Variants in GSG1L observed in about 807,000 individuals in gnomAD.
GSG1L encodes GSG1 like.
Under a neutral mutation model 42.1 loss-of-function variants are expected in GSG1L, and 24 were observed. The observed-to-expected ratio is 0.57, with a 90% CI of 0.41 to 0.80. GSG1L has a LOEUF of 0.80. GSG1L is among the 30% of genes least tolerant of loss of function. GSG1L has a pLI of 0.00. For missense variants in GSG1L, 445 were observed against 472.2 expected, an observed-to-expected ratio of 0.94 and a Z score of 0.53; for synonymous variants, 215 against 203.5, an observed-to-expected ratio of 1.06 and a Z score of -0.48.
chr16:27,975,581 T>G (rs1431602511), intron 1 of GSG1L, among the ~76,000 whole-genome samples: 3 of 152,210 alleles, frequency 2.0e-5, no homozygotes, highest in Non-Finnish European at 4.4e-5. Context: ...TGTAGTCCTG[T>G]GTGCACTGTG....
intron 3 of GSG1L, chr16:27,850,662 A>C (rs1596555210): frequency 2.2e-6 from 1 of 448,086 alleles, no homozygotes; most frequent in South Asian, 1.6e-5. Context: ...TAAATGATAG[A>C]GAAAGCTTTC....
At chr16:27,796,757 C>T (rs528468746) in intron 6 of GSG1L, among the ~76,000 whole-genome samples, 222 of 152,222 alleles carry the variant, frequency 1.5e-3, no homozygotes, top group Admixed American at 2.5e-3. Flanking sequence ...TGAGCCATAA[C>T]ATTCTCTTTG....
chr16:28,048,033 A>G (rs1199804756), intron 1 of GSG1L, among the ~76,000 whole-genome samples: 1 of 151,324 alleles, frequency 6.6e-6, no homozygotes, highest in East Asian at 1.9e-4. Flanking sequence ...AGCCTGGGCA[A>G]CATAGTAACA....
intron 2 of GSG1L, among the ~76,000 whole-genome samples, chr16:27,960,899 C>T (rs868352748): frequency 1.3e-5 from 2 of 151,500 alleles, no homozygotes; most frequent in Non-Finnish European, 2.9e-5. Context: ...GCTGCCAAGC[C>T]CTAAAAGTAA....
At chr16:28,057,618 A>G (rs934043128) in intron 1 of GSG1L, among the ~76,000 whole-genome samples, 4 of 152,232 alleles carry the variant, frequency 2.6e-5, no homozygotes, top group African/African-American at 9.7e-5. Context: ...CAAAACAGAT[A>G]CACGGTTCAG....
chr16:27,910,481 T>C (rs1440283413), intron 2 of GSG1L, among the ~76,000 whole-genome samples: 1 of 152,208 alleles, frequency 6.6e-6, no homozygotes, highest in Non-Finnish European at 1.5e-5. Flanking sequence ...AACTGAGGCA[T>C]GAAAGGTCCA....
chr16:28,021,956 G>C (rs2085848936), intron 1 of GSG1L, among the ~76,000 whole-genome samples: 1 of 152,232 alleles, frequency 6.6e-6, no homozygotes, highest in African/African-American at 2.4e-5. Context: ...CAATCCAAAA[G>C]ACTCAGCCAG....
At chr16:28,034,123 C>G (rs1463582359) in intron 1 of GSG1L, among the ~76,000 whole-genome samples, 1 of 151,598 alleles carries the variant, frequency 6.6e-6, no homozygotes. Context: ...CCAACACATC[C>G]CATCCCATCC....
At chr16:27,946,695 T>A (rs57518683) in intron 2 of GSG1L, among the ~76,000 whole-genome samples, 4,405 of 102,612 alleles carry the variant, frequency 0.043, 272 homozygotes, top group Non-Finnish European at 0.046. Flanking sequence ...AAAGAAAGAA[T>A]TAAATGAAGC....
At chr16:28,027,457 T>A (rs205381) in intron 1 of GSG1L, among the ~76,000 whole-genome samples, 2 of 152,226 alleles carry the variant, frequency 1.3e-5, no homozygotes, top group African/African-American at 4.8e-5. Flanking sequence ...ATTTCCATAG[T>A]GAGCAGCACC....
intron 3 of GSG1L, among the ~76,000 whole-genome samples, chr16:27,876,521 AT>A (rs2083889240): frequency 1.3e-5 from 2 of 152,368 alleles, no homozygotes; most frequent in South Asian, 4.1e-4. Flanking sequence ...GGCAGCACAG[AT>A]GAGATCGTAA....
At chr16:27,889,466 A>G (rs987841823) in intron 2 of GSG1L, among the ~76,000 whole-genome samples, 2 of 152,214 alleles carry the variant, frequency 1.3e-5, no homozygotes, top group Non-Finnish European at 2.9e-5. Context: ...GAGCCAAGTC[A>G]AAAAGGAGGA....
chr16:27,958,220 A>T (rs558757350), intron 2 of GSG1L, among the ~76,000 whole-genome samples: 1 of 151,948 alleles, frequency 6.6e-6, no homozygotes, highest in African/African-American at 2.4e-5. Context: ...GCCTGACCAA[A>T]TTGGTGAAAC....
chr16:27,844,487 A>G (rs1412636910), intron 4 of GSG1L, among the ~76,000 whole-genome samples: 1 of 152,060 alleles, frequency 6.6e-6, no homozygotes, highest in African/African-American at 2.4e-5. Context: ...AGGGGGTCAG[A>G]GAGTATTTTT....
chr16:28,037,466 A>G (rs2086053711), intron 1 of GSG1L, among the ~76,000 whole-genome samples: 1 of 152,172 alleles, frequency 6.6e-6, no homozygotes, highest in Non-Finnish European at 1.5e-5. Context: ...GTCCCTCTTA[A>G]TGGAAGCCAC....
At chr16:28,015,535 G>C (rs934817232) in intron 1 of GSG1L, among the ~76,000 whole-genome samples, 1 of 152,136 alleles carries the variant, frequency 6.6e-6, no homozygotes, top group Non-Finnish European at 1.5e-5. Context: ...TTTGGTCCCT[G>C]GGCTGTAGCT....
At chr16:27,947,558 AAAGAAAG>A (rs1339092371) in intron 2 of GSG1L, among the ~76,000 whole-genome samples, 2 of 85,120 alleles carry the variant, frequency 2.3e-5, no homozygotes, top group African/African-American at 7.7e-5. Flanking sequence ...AGAAAGAAAG[AAAGAAAG>A]AAAGAAAGAA....
At position 27,884,717 on chromosome 16, in the gene GSG1L, C is replaced by A; in HGVS notation, c.398-79G>T. On this transcript the variant is annotated intron_variant, in intron 2 of 6. Transcript: ENST00000447459. This position sits in a 1 kb window ranked among gnomAD's most constrained non-coding sequence, Gnocchi z 4.4. ...CACCCTGTGCCTATTCCTCCCACAA[C>A]AGCAGAGGGTAGCAAGTCATTCTAG... The A allele has an allele frequency of 2.2e-6, 3 of 1,375,774 alleles. No individual in the cohort carries two copies. The highest frequency in any genetic ancestry group is 1.4e-5 in the African/African-American group (1 of 69,164). 85.2% of individuals were successfully genotyped at this position (1,375,774 alleles called of 1,614,324 possible).
intron 1 of GSG1L, among the ~76,000 whole-genome samples, chr16:28,033,632 C>T (rs2085992727): frequency 6.6e-6 from 1 of 151,988 alleles, no homozygotes; most frequent in South Asian, 2.1e-4. Flanking sequence ...GGTCATGCAA[C>T]AAATAAATTG....
Sources: gnomAD v4.1 joint callset for allele counts (sites outside exome capture counted in the v4.1 genomes callset) on GRCh38, gnomAD v4.1.1 for gene constraint, Gnocchi (gnomAD v3.1) non-coding constraint, MANE v1.5 for transcripts, NCBI Gene and HGNC (gene_info 2026-07-23, HGNC 2026-07-21) for gene names.